C3orf20: variants seen among roughly 807,000 people sequenced by gnomAD.
C3orf20 encodes uncharacterized protein C3orf20.
A neutral mutation model predicts 88.3 loss-of-function variants in C3orf20; 76 were observed. That is an observed-to-expected ratio of 0.86 (90% CI 0.72 to 1.04). The LOEUF (loss-of-function observed/expected upper bound fraction) is 1.04. Ranked by LOEUF, C3orf20 falls within the 50% of genes least tolerant of loss-of-function variation. The pLI, the probability that C3orf20 is intolerant of heterozygous loss-of-function variation, is 0.00. For synonymous variants in C3orf20, 436 were observed against 437.4 expected, an observed-to-expected ratio of 1.00 and a Z score of 0.04; for missense variants, 1,056 against 1,123.3, an observed-to-expected ratio of 0.94 and a Z score of 0.86.
chr3:14,687,677 C>G (rs2032502061), intron 4 of C3orf20, among the ~76,000 whole-genome samples: 1 of 152,210 alleles, frequency 6.6e-6, no homozygotes, highest in Admixed American at 6.5e-5. Context: ...GCCACTCCCA[C>G]CTGAATACCA....
intron 4 of C3orf20, among the ~76,000 whole-genome samples, chr3:14,688,542 A>AG (rs1353760488): frequency 3.3e-5 from 5 of 151,120 alleles, no homozygotes; most frequent in South Asian, 2.1e-4. Context: ...AAAAAAAAAA[A>AG]AAAAGAAAAA....
At chr3:14,721,070 C>T (rs187789822) in intron 9 of C3orf20, among the ~76,000 whole-genome samples, 1 of 152,316 alleles carries the variant, frequency 6.6e-6, no homozygotes, top group African/African-American at 2.4e-5. Flanking sequence ...TAAAGAGTAG[C>T]TGCCCCTTTT....
chr3:14,704,247 G>A, intron 6 of C3orf20, 90 bp from the exon 7 acceptor site: 1 of 1,331,102 alleles, frequency 7.5e-7, no homozygotes. Flanking sequence ...ATGGGATAGG[G>A]GTCTTGGGCA....
chr3:14,756,955 A>C (rs982494997), intron 12 of C3orf20, among the ~76,000 whole-genome samples: 5 of 152,148 alleles, frequency 3.3e-5, no homozygotes, highest in Admixed American at 3.3e-4. Flanking sequence ...ACCCATTAGG[A>C]GGCATTAGCA....
In C3orf20 at chr3:14,761,733, G is replaced by A. The variant is rs551233516; in HGVS notation, c.2495+118G>A. On this transcript the variant is annotated intron_variant, in intron 15 of 16. Coordinates refer to ENST00000253697, the MANE Select transcript of C3orf20 (RefSeq NM_032137.5). Reference sequence around the variant, plus strand: ...GCAGGCGGGGCTGAAGGGATGGAGTGGGGAGGGGGGCTGGAGGTGGGAAGC... The same window carrying A: ...GCAGGCGGGGCTGAAGGGATGGAGTAGGGAGGGGGGCTGGAGGTGGGAAGC... The A allele has an allele frequency of 4.1e-5, 41 of 1,010,340 alleles. No homozygotes were observed. The African/African-American group carries it at 5.8e-4, about 14-fold the overall frequency. The allele number at this position is 1,010,340 out of a possible 1,614,324, so 62.6% of individuals were successfully genotyped here. A position where few individuals can be genotyped will look rare whatever the true frequency, so the allele number is the denominator to read the frequency against.
chr3:14,687,345 T>G (rs2032487094), intron 4 of C3orf20, among the ~76,000 whole-genome samples: 1 of 152,224 alleles, frequency 6.6e-6, no homozygotes, highest in Non-Finnish European at 1.5e-5. Flanking sequence ...CTTCCTTTTC[T>G]AAGACAAAGT....
At chr3:14,762,311 T>C (rs932067625) in intron 15 of C3orf20, among the ~76,000 whole-genome samples, 1 of 152,174 alleles carries the variant, frequency 6.6e-6, no homozygotes, top group Non-Finnish European at 1.5e-5. Flanking sequence ...GATGCCAACT[T>C]GTTGAGCACC....
At chr3:14,691,208 G>A (rs944033988) in intron 5 of C3orf20, among the ~76,000 whole-genome samples, 2 of 152,172 alleles carry the variant, frequency 1.3e-5, no homozygotes, top group African/African-American at 2.4e-5. Context: ...TAGCTTCAGC[G>A]GCCGCCACAC....
intron 12 of C3orf20, among the ~76,000 whole-genome samples, chr3:14,756,790 T>G (rs146348495): frequency 1.3e-5 from 2 of 152,322 alleles, no homozygotes; most frequent in Non-Finnish European, 2.9e-5. Context: ...CTTGCAGCCT[T>G]GAAGCACATG....
At chr3:14,742,607 C>CT (rs1231875617) in intron 12 of C3orf20, among the ~76,000 whole-genome samples, 1 of 152,170 alleles carries the variant, frequency 6.6e-6, no homozygotes, top group Non-Finnish European at 1.5e-5. Flanking sequence ...ATTTTCTTGT[C>CT]TAAGACATTG....
In C3orf20 at chr3:14,720,559, TTGTTGTTG is replaced by T. The variant is rs1472591517; in HGVS notation, c.1435-1092_1435-1085del. On this transcript the variant is annotated intron_variant, in intron 9 of 16. Transcript: ENST00000253697. ...GTTGTTGTTGTTGTTGTTGTTGTTG[TTGTTGTTG>T]TTGTTGTTGTTGTTGTTTTTGGTTC... 3.3e-5 allele frequency among the ~76,000 whole-genome samples: 5 copies of T among 151,830 alleles called. No homozygotes were observed. The East Asian group carries it at 9.7e-4, about 29-fold the overall frequency.
chr3:14,705,050 T>C (rs1032028312), intron 7 of C3orf20, among the ~76,000 whole-genome samples: 5 of 152,238 alleles, frequency 3.3e-5, no homozygotes, highest in Non-Finnish European at 5.9e-5. Flanking sequence ...GGTCCTTGGA[T>C]ACTTCACCTA....
chr3:14,693,981 G>C (rs760057351), intron 5 of C3orf20, among the ~76,000 whole-genome samples: 2 of 152,114 alleles, frequency 1.3e-5, no homozygotes, highest in African/African-American at 2.4e-5. Flanking sequence ...CTGTTGATAG[G>C]ATGTATCACA....
chr3:14,759,779 G>A (rs2035499753), intron 13 of C3orf20, 112 bp from the exon 14 acceptor site: 8 of 814,472 alleles, frequency 9.8e-6, no homozygotes, highest in South Asian at 9.3e-5. Context: ...GGGAGAGGGA[G>A]TTGTACAGGG....
At chr3:14,752,749 A>T (rs2035255196) in intron 12 of C3orf20, among the ~76,000 whole-genome samples, 1 of 152,258 alleles carries the variant, frequency 6.6e-6, no homozygotes, top group Admixed American at 6.5e-5. Flanking sequence ...AGTCATCATC[A>T]CTGGTCATCA....
At chr3:14,704,194 C>A in intron 6 of C3orf20, 143 bp from the exon 7 acceptor site, 1 of 821,082 alleles carries the variant, frequency 1.2e-6, no homozygotes, top group Non-Finnish European at 1.9e-6. Flanking sequence ...CCTTTATGGA[C>A]GAGGGAGCAT....
chr3:14,702,735 C>T (rs915306228), intron 5 of C3orf20, among the ~76,000 whole-genome samples: 3 of 152,156 alleles, frequency 2.0e-5, no homozygotes, highest in African/African-American at 7.2e-5. Flanking sequence ...GCCACCATGC[C>T]TGACCATGTC....
At chr3:14,690,149 T>C (rs1559398490) in intron 5 of C3orf20, 33 bp downstream of exon 5, 2 of 1,612,096 alleles carry the variant, frequency 1.2e-6, no homozygotes, top group Admixed American at 3.3e-5. Context: ...TACCATTCAT[T>C]GGTGGTGGCG....
intron 7 of C3orf20, among the ~76,000 whole-genome samples, chr3:14,711,486 T>G (rs1559413087): frequency 6.6e-6 from 1 of 152,322 alleles, no homozygotes. Flanking sequence ...TCACCCCTAC[T>G]GTCTTTTGGT....
Sources: gnomAD v4.1 joint callset for allele counts (sites outside exome capture counted in the v4.1 genomes callset) on GRCh38, gnomAD v4.1.1 for gene constraint, MANE v1.5 for transcripts, NCBI Gene and HGNC (gene_info 2026-07-23, HGNC 2026-07-21) for gene names.